The following VGLL3 variants were observed in gnomAD, a reference collection of about 807,000 sequenced individuals.
VGLL3 encodes the protein vestigial like family member 3.
A neutral mutation model predicts 29.2 loss-of-function variants in VGLL3; 18 were observed. The observed-to-expected ratio is 0.62, with a 90% CI of 0.43 to 0.91. VGLL3 has a LOEUF of 0.91. Ranked by LOEUF, VGLL3 falls within the 40% of genes least tolerant of loss-of-function variation. VGLL3 has a pLI of 0.00. For synonymous variants in VGLL3, 180 were observed against 151.8 expected (o/e 1.19, Z -1.36); for missense variants, 440 against 413.2 (o/e 1.06, Z -0.56).
rs1238152816 is a variant in VGLL3 at position 86,940,324 on chromosome 3, T to A, written c.*6700A>T. 6.6e-6 allele frequency: 1 copy of A among 152,602 alleles called. No individual in the cohort carries two copies. Among genetic ancestry groups the A allele is most frequent in the African/African-American group, 2.4e-5 (1 of 41,460 alleles). 9.5% of individuals were successfully genotyped at this position (152,602 alleles called of 1,614,324 possible). On this transcript the variant is annotated 3_prime_UTR_variant, in exon 4 of 4. Coordinates refer to ENST00000398399, the MANE Select transcript of VGLL3 (RefSeq NM_016206.4). ...GTCAACAAATGTAAAAACAATAAAA[T>A]ACACCTTGGTCAACCAATATCCTTA... is the stretch of plus-strand genomic sequence containing the variant.
intron 1 of VGLL3, among the ~76,000 whole-genome samples, chr3:86,983,805 T>C (rs927207977): frequency 6.6e-6 from 1 of 152,226 alleles, no homozygotes; most frequent in Non-Finnish European, 1.5e-5. Flanking sequence ...ATCTTTTGTA[T>C]ATTTCATTTC....
At chr3:86,986,215 G>A (rs1227700144) in intron 1 of VGLL3, among the ~76,000 whole-genome samples, 1 of 151,972 alleles carries the variant, frequency 6.6e-6, no homozygotes, top group Non-Finnish European at 1.5e-5. Context: ...ATTTTACTAA[G>A]GGCTAGATAA....
rs1704402556 is a variant in VGLL3 at position 86,941,754 on chromosome 3, T to C, written c.*5270A>G. 1 of 151,988 alleles carries C rather than the reference T, an allele frequency of 6.6e-6. No individual in the cohort carries two copies. The highest frequency in any genetic ancestry group is 1.5e-5 in the Non-Finnish European group (1 of 67,984). 9.4% of individuals were successfully genotyped at this position (151,988 alleles called of 1,614,324 possible). A position where few individuals can be genotyped will look rare whatever the true frequency, so the allele number is the denominator to read the frequency against. ...TGACGATTTCTGTAGGTTGTAAAAG[T>C]GTACATGGTGCAATTCCCAGAGAGC... On this transcript the variant is annotated 3_prime_UTR_variant, in exon 4 of 4. Coordinates refer to ENST00000398399, the MANE Select transcript of VGLL3 (RefSeq NM_016206.4).
At chr3:86,981,753 A>G (rs1705329268) in intron 1 of VGLL3, among the ~76,000 whole-genome samples, 1 of 152,222 alleles carries the variant, frequency 6.6e-6, no homozygotes, top group South Asian at 2.1e-4. Flanking sequence ...AAGAATGTCT[A>G]CCGTTGCCAC....
intron 3 of VGLL3, among the ~76,000 whole-genome samples, chr3:86,958,020 A>G (rs1704758710): frequency 6.6e-6 from 1 of 152,202 alleles, no homozygotes; most frequent in South Asian, 2.1e-4. Context: ...TACGATACAG[A>G]CAAATATGCA....
intron 3 of VGLL3, among the ~76,000 whole-genome samples, chr3:86,949,109 G>A (rs1232910491): frequency 6.6e-6 from 1 of 152,156 alleles, no homozygotes; most frequent in African/African-American, 2.4e-5. Flanking sequence ...CAAGTGGTTT[G>A]CCTGTCTTAT....
intron 1 of VGLL3, among the ~76,000 whole-genome samples, chr3:86,986,955 T>A (rs72918108): frequency 0.087 from 13,275 of 152,128 alleles, 1,562 homozygotes; most frequent in African/African-American, 0.26. Context: ...AAGAATCTAT[T>A]GCATATTAAT....
intron 3 of VGLL3, among the ~76,000 whole-genome samples, chr3:86,954,016 T>A (rs1353325324): frequency 6.6e-6 from 1 of 152,236 alleles, no homozygotes; most frequent in Admixed American, 6.5e-5. Flanking sequence ...CTAAAATCAT[T>A]ACAAAAGATA....
intron 3 of VGLL3, 25 bp downstream of exon 3, chr3:86,968,565 G>C: frequency 1.3e-6 from 2 of 1,585,140 alleles, no homozygotes. Flanking sequence ...TCTTGTTATA[G>C]GAAGAAAGAA....
intron 3 of VGLL3, among the ~76,000 whole-genome samples, chr3:86,966,771 G>GTA (rs1412231839): frequency 1.6e-3 from 114 of 69,454 alleles, no homozygotes; most frequent in South Asian, 2.6e-3. Flanking sequence ...TAGTGTGTGT[G>GTA]TGTATATATA....
At chr3:86,971,504 C>A (rs1309668682) in intron 2 of VGLL3, among the ~76,000 whole-genome samples, 3 of 152,214 alleles carry the variant, frequency 2.0e-5, no homozygotes, top group Non-Finnish European at 4.4e-5. Flanking sequence ...AAGAATGGAA[C>A]TGCACACTTT....
intron 3 of VGLL3, among the ~76,000 whole-genome samples, chr3:86,951,362 A>G (rs922508966): frequency 1.3e-5 from 2 of 152,150 alleles, no homozygotes; most frequent in African/African-American, 4.8e-5. Context: ...AGTGCCTTCT[A>G]CTGTGTGATC....
intron 3 of VGLL3, among the ~76,000 whole-genome samples, chr3:86,956,628 T>C (rs1704728500): frequency 6.6e-6 from 1 of 151,548 alleles, no homozygotes; most frequent in Non-Finnish European, 1.5e-5. Context: ...TTACTAAAAA[T>C]ACAAAAAATT....
At chr3:86,969,401 T>C (rs924794116) in intron 2 of VGLL3, among the ~76,000 whole-genome samples, 1 of 152,172 alleles carries the variant, frequency 6.6e-6, no homozygotes, top group African/African-American at 2.4e-5. Flanking sequence ...GTTTGCAATT[T>C]GGGGATTGAA....
chr3:86,987,045 TA>T, intron 1 of VGLL3, among the ~76,000 whole-genome samples: 1 of 152,110 alleles, frequency 6.6e-6, no homozygotes, highest in East Asian at 1.9e-4. Context: ...TAAAAAAATT[TA>T]AAAAGCTTTA....
intron 1 of VGLL3, among the ~76,000 whole-genome samples, chr3:86,981,678 A>C (rs1705326934): frequency 6.6e-6 from 1 of 152,002 alleles, no homozygotes; most frequent in Non-Finnish European, 1.5e-5. Context: ...AATTAAATAA[A>C]TTTGCTAGAA....
At position 86,969,100 on chromosome 3, in the gene VGLL3, G is replaced by T. The variant is rs200777627; in HGVS notation, c.427C>A (p.Arg143=). The T allele has an allele frequency of 2.5e-6, 4 of 1,603,548 alleles. No homozygotes were observed. The South Asian group carries it at 3.3e-5, about 13-fold the overall frequency. Residue 143 remains arginine (R), a synonymous_variant, in exon 3 of 4, where the codon CGG becomes AGG. Coordinates refer to ENST00000398399, the MANE Select transcript of VGLL3 (RefSeq NM_016206.4). ...CAAAAGGAAGTTGGGAAACTATTCC[G>T]CTGGCTTGAGAGAGCTGAGCTGTCT... ...WRDSSALSSQ[R]NSFPTSFWTS...
At position 86,938,694 on chromosome 3, in the gene VGLL3, C is replaced by A. The variant is rs1268065434; in HGVS notation, c.*8330G>T. 6.6e-6 allele frequency: 1 copy of A among 152,046 alleles called. No homozygotes were observed. Among genetic ancestry groups the A allele is most frequent in the Non-Finnish European group, 1.5e-5 (1 of 68,030 alleles). The allele number at this position is 152,046 out of a possible 1,614,324, so 9.4% of individuals were successfully genotyped here. On this transcript the variant is annotated 3_prime_UTR_variant, in exon 4 of 4. Transcript: ENST00000398399. The stretch of plus-strand genomic sequence containing the variant: ...CAGCAGCATTCCAGAGTATGGATAC[C>A]TTCTTTACACATTAAATCTATCAAA...
At chr3:86,953,549 T>C (rs1387357940) in intron 3 of VGLL3, among the ~76,000 whole-genome samples, 1 of 152,194 alleles carries the variant, frequency 6.6e-6, no homozygotes, top group African/African-American at 2.4e-5. Flanking sequence ...ACATATTTAA[T>C]TGTGGTGGCT....
Sources: allele counts gnomAD v4.1 joint callset (sites outside exome capture counted in the v4.1 genomes callset), GRCh38; gene constraint gnomAD v4.1.1; transcripts MANE v1.5; gene names NCBI Gene and HGNC (gene_info 2026-07-23, HGNC 2026-07-21).